Variants in COL5A3 observed in about 807,000 individuals in gnomAD.
COL5A3 encodes collagen alpha-3(V) chain.
Under a neutral mutation model 250.0 loss-of-function variants are expected in COL5A3, and 172 were observed. The ratio of observed to expected loss-of-function variants is 0.69; its 90% CI spans 0.61 to 0.78. COL5A3 has a LOEUF of 0.78. COL5A3 is among the 30% of genes least tolerant of loss of function. The pLI is 0.00. For synonymous variants in COL5A3, 937 were observed against 900.4 expected, an observed-to-expected ratio of 1.04 and a Z score of -0.73; for missense variants, 2,340 against 2,334.4, an observed-to-expected ratio of 1.00 and a Z score of -0.05.
intron 61 of COL5A3, 86 bp from the exon 62 acceptor site, chr19:9,967,486 C>T: frequency 1.2e-6 from 1 of 825,328 alleles, no homozygotes; most frequent in Non-Finnish European, 1.9e-6. Flanking sequence ...CACACACTCA[C>T]ACACACACTC....
intron 64 of COL5A3, 38 bp from the exon 65 acceptor site, chr19:9,962,925 C>G (rs778517875): frequency 1.3e-6 from 2 of 1,488,394 alleles, no homozygotes; most frequent in South Asian, 1.2e-5. Context: ...AGCTGACGCC[C>G]TTGGTGCCAT....
rs567297534 is a variant in COL5A3, at chr19:9,972,870, A to G, written c.3774+49T>C. 6.5e-6 allele frequency: 9 copies of G among 1,394,976 alleles called. No individual in the cohort carries two copies. In the South Asian group the frequency reaches 8.4e-5, roughly 13 times the overall value. 86.4% of individuals were successfully genotyped at this position (1,394,976 alleles called of 1,614,324 possible). A position where few individuals can be genotyped will look rare whatever the true frequency, so the allele number is the denominator to read the frequency against. On this transcript the variant is annotated intron_variant, in intron 51 of 66. Transcript: ENST00000264828. ...AAAAGTTTGGGAGAGCTTCAAGTACATTCAAGTGCCCCCTCCCATGTCTGC... is the reference window on the plus strand; with the variant it reads ...AAAAGTTTGGGAGAGCTTCAAGTACGTTCAAGTGCCCCCTCCCATGTCTGC...
chr19:9,968,921 GACA>G lies in COL5A3; in HGVS notation c.4153-196_4153-194del, dbSNP rs948055649. The G allele has an allele frequency of 6.2e-6, 4 of 643,860 alleles. No individual in the cohort carries two copies. In the African/African-American group the frequency reaches 7.4e-5, roughly 12 times the overall value. The allele number at this position is 643,860 out of a possible 1,614,324, so 39.9% of individuals were successfully genotyped here. A position where few individuals can be genotyped will look rare whatever the true frequency, so the allele number is the denominator to read the frequency against. ...CTAATGAGGGGTTGACTGGAGGATG[GACA>G]ACGTGAGTGGTCAGTGGCCAAGGTC... On this transcript the variant is annotated intron_variant, in intron 57 of 66. Coordinates refer to ENST00000264828, the MANE Select transcript of COL5A3 (RefSeq NM_015719.4). This position sits in a 1 kb window ranked among gnomAD's most constrained non-coding sequence, Gnocchi z 4.1.
intron 8 of COL5A3, among the ~76,000 whole-genome samples, chr19:10,001,238 C>T (rs978895620): frequency 3.3e-5 from 5 of 151,818 alleles, no homozygotes; most frequent in Middle Eastern, 3.2e-3. Flanking sequence ...CTCTGCCTCC[C>T]GGGTTCAAGC....
rs1002578978 is a variant in COL5A3, at chr19:9,978,601, C to T, written c.2991G>A (p.Lys997=). ...DPGPTGLKGD[K]GPPGPVGANG... ...TGGCCCCCACGGGCCCTGGGGGGCC[C>T]TTATCACCCTTTAAGCCAGTAGGTC... The change falls in exon 41 of 67, where the codon AAG becomes AAA. Residue 997 remains lysine (K), a synonymous_variant. Coordinates refer to ENST00000264828, the MANE Select transcript of COL5A3 (RefSeq NM_015719.4). The T allele has an allele frequency of 6.3e-7, 1 of 1,579,624 alleles. No individual in the cohort carries two copies. The highest frequency in any genetic ancestry group is 8.6e-7 in the Non-Finnish European group (1 of 1,164,726).
At chr19:9,983,675 AAAG>A (rs146176391) in intron 31 of COL5A3, among the ~76,000 whole-genome samples, 9,170 of 143,266 alleles carry the variant, frequency 0.064, 618 homozygotes, top group African/African-American at 0.14. Flanking sequence ...AAGAAAGAAA[AAAG>A]AAGAAAGAAA....
chr19:9,962,680 C>A, intron 65 of COL5A3, 139 bp downstream of exon 65: 1 of 615,740 alleles, frequency 1.6e-6, no homozygotes. Context: ...GCTGCCACCC[C>A]ACCTCCAGCT....
At chr19:9,967,532 C>T (rs2059144) in intron 61 of COL5A3, 132 bp from the exon 62 acceptor site, 124,883 of 652,670 alleles carry the variant, frequency 0.19, 12,794 homozygotes, top group East Asian at 0.24. Flanking sequence ...CATACACACT[C>T]ACTCACACAC....
At chr19:9,978,049 C>T (rs2145088476) in intron 41 of COL5A3, among the ~76,000 whole-genome samples, 1 of 150,644 alleles carries the variant, frequency 6.6e-6, no homozygotes, top group African/African-American at 2.4e-5. Context: ...TCAAGCGATT[C>T]TCCAGCCTCA....
intron 64 of COL5A3, 54 bp downstream of exon 64, chr19:9,966,260 G>A (rs1312699285): frequency 1.5e-6 from 2 of 1,342,462 alleles, no homozygotes; most frequent in Non-Finnish European, 2.1e-6. Flanking sequence ...GTGGGTGTGG[G>A]GAGCAGGGGA....
At chr19:9,969,028 A>G (rs2086792704) in intron 57 of COL5A3, 3 of 583,376 alleles carry the variant, frequency 5.1e-6, no homozygotes, top group Admixed American at 6.6e-5. Flanking sequence ...TGGTCAGTGT[A>G]GACCATCAAG....
chr19:10,010,202 TCCCCTCCAC>T, intron 1 of COL5A3, 87 bp downstream of exon 1: 15 of 653,160 alleles, frequency 2.3e-5, no homozygotes, highest in Non-Finnish European at 2.8e-5. Flanking sequence ...CCCACGCCCT[TCCCCTCCAC>T]GCCCCTCCAC....
intron 8 of COL5A3, among the ~76,000 whole-genome samples, chr19:9,998,714 T>C (rs1315642763): frequency 1.3e-5 from 2 of 151,670 alleles, no homozygotes. Context: ...AAATGGAGTC[T>C]TGCTCTGTCC....
intron 46 of COL5A3, 24 bp from the exon 47 acceptor site, chr19:9,974,248 G>A: frequency 1.2e-6 from 2 of 1,613,392 alleles, no homozygotes; most frequent in South Asian, 1.1e-5. Context: ...AAGCAAGATT[G>A]GGGCACCAGG....
intron 53 of COL5A3, 23 bp from the exon 54 acceptor site, chr19:9,970,698 C>T: frequency 7.1e-7 from 1 of 1,416,788 alleles, no homozygotes; most frequent in South Asian, 1.7e-5. Flanking sequence ...AGGACACCAG[C>T]TGTGGTCTCA....
rs570641461 is a variant in COL5A3 at position 9,974,183 on chromosome 19, G to A, written c.3492C>T (p.Asp1164=). The A allele has an allele frequency of 5.0e-6, 8 of 1,613,672 alleles. No individual in the cohort carries two copies. Among genetic ancestry groups the A allele is most frequent in the Admixed American group, 3.3e-5 (2 of 59,984 alleles). Residue 1164 remains aspartate (D), a synonymous_variant, in exon 47 of 67, where the codon GAC becomes GAT. Coordinates refer to ENST00000264828, the MANE Select transcript of COL5A3 (RefSeq NM_015719.4). ...GPPGEKGEVG[D]VGSMGPHGAP... Reference sequence around the variant, plus strand: ...TGGGAGTGCATACCATGGACCCGACGTCTCCGACCTCCCCTTTCTCTCCCG... The same window carrying A: ...TGGGAGTGCATACCATGGACCCGACATCTCCGACCTCCCCTTTCTCTCCCG...
intron 41 of COL5A3, among the ~76,000 whole-genome samples, chr19:9,977,947 C>CATATGT (rs2086947432): frequency 9.4e-6 from 1 of 106,140 alleles, no homozygotes; most frequent in Non-Finnish European, 2.0e-5. Flanking sequence ...GCAGCCTATA[C>CATATGT]ATATATATAT....
At chr19:9,991,211 C>G (rs1362090433) in intron 24 of COL5A3, among the ~76,000 whole-genome samples, 1 of 152,182 alleles carries the variant, frequency 6.6e-6, no homozygotes, top group Non-Finnish European at 1.5e-5. Context: ...CACTGCACTC[C>G]AGCCTGGGCG....
At chr19:9,998,191 A>G (rs763926890) in intron 8 of COL5A3, 42 bp from the exon 9 acceptor site, 1 of 1,573,398 alleles carries the variant, frequency 6.4e-7, no homozygotes, top group South Asian at 1.2e-5. Flanking sequence ...AGAGATGTGA[A>G]CTTGGACATA....
Sources: allele counts gnomAD v4.1 joint callset (sites outside exome capture counted in the v4.1 genomes callset), GRCh38; gene constraint gnomAD v4.1.1; non-coding constraint Gnocchi (gnomAD v3.1); transcripts MANE v1.5; gene names NCBI Gene and HGNC (gene_info 2026-07-23, HGNC 2026-07-21).